Variants in PROSER1 observed in about 807,000 individuals in gnomAD.
The protein encoded by PROSER1 is proline and serine rich 1, also known as proline and serine-rich protein 1.
A neutral mutation model predicts 71.8 loss-of-function variants in PROSER1; 36 were observed. The observed-to-expected ratio is 0.50, with a 90% CI of 0.38 to 0.66. PROSER1 has a LOEUF of 0.66. Among genes scored for constraint, PROSER1 ranks in the 30% least tolerant of loss-of-function variants. The pLI is 0.00. For synonymous variants in PROSER1, 490 were observed against 452.4 expected (o/e 1.08, Z -1.06); for missense variants, 1,107 against 1,135.0 (o/e 0.98, Z 0.35).
chr13:39,019,637 AGAGAAAAT>A (rs1870196717), intron 9 of PROSER1, among the ~76,000 whole-genome samples: 1 of 151,916 alleles, frequency 6.6e-6, no homozygotes, highest in Non-Finnish European at 1.5e-5. Flanking sequence ...TGGCGATATT[AGAGAAAAT>A]TTCTAAGTTT....
intron 9 of PROSER1, among the ~76,000 whole-genome samples, chr13:39,020,403 A>C (rs1870235853): frequency 6.6e-6 from 1 of 152,100 alleles, no homozygotes; most frequent in Non-Finnish European, 1.5e-5. Flanking sequence ...TTTAAGTTGC[A>C]GAAAATGATC....
chr13:39,033,327 A>G (rs1212437581), intron 2 of PROSER1, among the ~76,000 whole-genome samples: 1 of 152,260 alleles, frequency 6.6e-6, no homozygotes, highest in Non-Finnish European at 1.5e-5. Context: ...AGCTTTTAAG[A>G]ATTTAGTGGG....
Position 39,022,396 on chromosome 13 carries a change from T to C in PROSER1, c.660A>G (p.Ala220=). The C allele has an allele frequency of 6.2e-7, 1 of 1,612,054 alleles. No homozygotes were observed. Among genetic ancestry groups the C allele is most frequent in the Non-Finnish European group, 8.5e-7 (1 of 1,178,146 alleles). ...TGACATTCGCTAATGGTACCAGACC[T>C]GCATTGTTATAAGCACCTAAAATAA... ...ATIAPSAYNN[A]GLVPLANVIA... Residue 220 remains alanine, a synonymous_variant, in exon 9 of 13, where the codon GCA becomes GCG. Coordinates refer to ENST00000352251, the MANE Select transcript of PROSER1 (RefSeq NM_025138.5).
At position 39,013,789 on chromosome 13, in the gene PROSER1, G is replaced by A. The variant is rs1486667994; in HGVS notation, c.1463C>T (p.Ala488Val). 2 of 1,614,208 alleles carry A rather than the reference G, an allele frequency of 1.2e-6. No homozygotes were observed. The highest frequency in any genetic ancestry group is 8.5e-7 in the Non-Finnish European group (1 of 1,180,030). Residue 488 changes from alanine to valine, a missense_variant, in exon 11 of 13, where the codon GCT becomes GTT. Transcript: ENST00000352251. ...CCCACTTGTGACAGCAGAGGATAAA[G>A]CAGAGGAGTTGATTAAATTGGTGTC... ...SNDTNLINSS[A>V]LSSAVTSGLA...
At chr13:39,018,473 GACACACACACACACACACACAC>G (rs56659534) in intron 9 of PROSER1, among the ~76,000 whole-genome samples, 3 of 120,202 alleles carry the variant, frequency 2.5e-5, no homozygotes, top group African/African-American at 1.1e-4. Context: ...TTTAAAACCC[GACACACACACACACACACACAC>G]ACACACACAC....
chr13:39,012,519 A>C lies in PROSER1; in HGVS notation c.2561+172T>G. The stretch of plus-strand genomic sequence containing the variant: ...CCAAACATTGTATCAACAGGCATTA[A>C]TATTTTATACATTTATCTTAACATG... On this transcript the variant is annotated intron_variant, in intron 11 of 12. Transcript: ENST00000352251. 6.1e-6 allele frequency: 4 copies of C among 653,602 alleles called. No individual in the cohort carries two copies. In the South Asian group the frequency reaches 6.3e-5, roughly 10 times the overall value. The allele number at this position is 653,602 out of a possible 1,614,324, so 40.5% of individuals were successfully genotyped here. A position where few individuals can be genotyped will look rare whatever the true frequency, so the allele number is the denominator to read the frequency against.
rs748843282 is a variant in PROSER1, at chr13:39,011,455, T to G, written c.2745A>C (p.Pro915=). 6 of 1,614,080 alleles carry G rather than the reference T, an allele frequency of 3.7e-6. No homozygotes were observed. In the South Asian group the frequency reaches 6.6e-5, roughly 18 times the overall value. Residue 915 remains proline, a synonymous_variant, in exon 13 of 13, where the codon CCA becomes CCC. Coordinates refer to ENST00000352251, the MANE Select transcript of PROSER1 (RefSeq NM_025138.5). ...AACTAGGAAACCCATCAGGCTGAGC[T>G]GGATAGCTTTCCAGAGCCGAAGCTG... The part of the protein sequence containing the change: ...VHSASALESY[P]AQPDGFPSYP...
intron 10 of PROSER1, among the ~76,000 whole-genome samples, chr13:39,015,855 C>T (rs542056283): frequency 7.3e-5 from 11 of 151,580 alleles, no homozygotes; most frequent in Non-Finnish European, 1.2e-4. Context: ...TGGATTTGTA[C>T]GTTTTTTGTA....
At chr13:39,021,662 C>A (rs568390581) in intron 9 of PROSER1, among the ~76,000 whole-genome samples, 78 of 152,312 alleles carry the variant, frequency 5.1e-4, no homozygotes, top group African/African-American at 1.8e-3. Context: ...TGTCATTCCT[C>A]ATATTTGATT....
chr13:39,037,259 A>T lies in PROSER1; in HGVS notation c.-17T>A. ...TTTATCCATCTTGACTACTATCCCG[A>T]CGTGGTTTTAACAGTTATACTTGCA... On this transcript the variant is annotated 5_prime_UTR_variant, in exon 1 of 13. Coordinates refer to ENST00000352251, the MANE Select transcript of PROSER1 (RefSeq NM_025138.5). 2.5e-6 allele frequency: 4 copies of T among 1,602,518 alleles called. No homozygotes were observed. The highest frequency in any genetic ancestry group is 3.4e-6 in the Non-Finnish European group (4 of 1,169,448).
intron 11 of PROSER1, chr13:39,012,470 TAAATAA>T (rs1438794047): frequency 3.1e-6 from 2 of 638,648 alleles, no homozygotes; most frequent in Non-Finnish European, 2.7e-6. Flanking sequence ...TGCTGTCTTA[TAAATAA>T]AACTATCAAA....
Position 39,014,012 on chromosome 13 carries a change from C to G in PROSER1, c.1240G>C (p.Ala414Pro). The change falls in exon 11 of 13, where the codon GCT becomes CCT. Residue 414 changes from alanine to proline, a missense_variant. Transcript: ENST00000352251. ...TSLPFSTSSSAASTSNPNSAS... is the reference protein window; with the variant it reads ...TSLPFSTSSSPASTSNPNSAS... ...GAATTTGGGTTGCTGGTAGAAGCAG[C>G]AGAAGAGCTGGTGGAAAAGGGGAGG... 3 of 1,614,006 alleles carry G rather than the reference C, an allele frequency of 1.9e-6. No homozygotes were observed. The highest frequency in any genetic ancestry group is 2.5e-6 in the Non-Finnish European group (3 of 1,179,966).
chr13:39,013,218 A>C lies in PROSER1; in HGVS notation c.2034T>G (p.Ser678=). Residue 678 remains serine (S), a synonymous_variant, in exon 11 of 13, where the codon TCT becomes TCG. Coordinates refer to ENST00000352251, the MANE Select transcript of PROSER1 (RefSeq NM_025138.5). ...AGGAACCATGTGGTGGAAGGGAAAT[A>C]GAGGAAAGAGGATTTGAACCATTTA... ...TPLNGSNPLS[S]ISLPPHGSST... 4.3e-6 allele frequency: 7 copies of C among 1,614,156 alleles called. No individual in the cohort carries two copies. The highest frequency in any genetic ancestry group is 5.9e-6 in the Non-Finnish European group (7 of 1,180,018).
Position 39,014,492 on chromosome 13 carries a change from A to G in PROSER1, c.776-16T>C. The G allele has an allele frequency of 1.3e-6, 2 of 1,553,686 alleles. No individual in the cohort carries two copies. The highest frequency in any genetic ancestry group is 1.8e-6 in the Non-Finnish European group (2 of 1,139,838). Reference sequence around the variant, plus strand: ...GTGGAAAATGCTATATGGAAGGGGGAAAAAAGGCAAGAATGTATCATCATG... The same window carrying G: ...GTGGAAAATGCTATATGGAAGGGGGGAAAAAGGCAAGAATGTATCATCATG... On this transcript the variant is annotated splice_polypyrimidine_tract_variant and intron_variant, in intron 10 of 12. Transcript: ENST00000352251.
intron 5 of PROSER1, 108 bp from the exon 6 acceptor site, chr13:39,026,495 T>C: frequency 1.6e-6 from 1 of 626,426 alleles, no homozygotes. Flanking sequence ...CAGCACTACA[T>C]TCAATCTGCT....
chr13:39,026,491 T>G (rs894179084), intron 5 of PROSER1, 104 bp from the exon 6 acceptor site: 1 of 650,560 alleles, frequency 1.5e-6, no homozygotes, highest in Non-Finnish European at 2.6e-6. Context: ...AGAACAGCAC[T>G]ACATTCAATC....
At position 39,022,393 on chromosome 13, in the gene PROSER1, A is replaced by G. The variant is rs200043789; in HGVS notation, c.663T>C (p.Gly221=). ...TIAPSAYNNA[G]LVPLANVIAP... The stretch of plus-strand genomic sequence containing the variant: ...CTATGACATTCGCTAATGGTACCAG[A>G]CCTGCATTGTTATAAGCACCTAAAA... The change falls in exon 9 of 13, where the codon GGT becomes GGC. Residue 221 remains glycine (G), a synonymous_variant. Coordinates refer to ENST00000352251, the MANE Select transcript of PROSER1 (RefSeq NM_025138.5). 251 of 1,612,464 alleles carry G rather than the reference A, an allele frequency of 1.6e-4. No homozygotes were observed. The highest frequency in any genetic ancestry group is 3.4e-6 in the Non-Finnish European group (4 of 1,178,496).
intron 3 of PROSER1, among the ~76,000 whole-genome samples, chr13:39,031,023 T>C (rs1331206416): frequency 6.6e-6 from 1 of 152,142 alleles, no homozygotes; most frequent in Non-Finnish European, 1.5e-5. Context: ...CACAGCCAGA[T>C]ACTCCTGTGT....
At chr13:39,017,312 G>A (rs1379449603) in intron 10 of PROSER1, among the ~76,000 whole-genome samples, 188 bp downstream of exon 10, 1 of 152,148 alleles carries the variant, frequency 6.6e-6, no homozygotes, top group Non-Finnish European at 1.5e-5. Context: ...CAGTTAACAC[G>A]TGCATTTCAT....
Sources: allele counts gnomAD v4.1 joint callset (sites outside exome capture counted in the v4.1 genomes callset), GRCh38; gene constraint gnomAD v4.1.1; transcripts MANE v1.5; gene names NCBI Gene and HGNC (gene_info 2026-07-23, HGNC 2026-07-21).